MADCAM1: variants seen among roughly 807,000 people sequenced by gnomAD.
The protein encoded by MADCAM1 is mucosal vascular addressin cell adhesion molecule 1.
Under a neutral mutation model 26.1 loss-of-function variants are expected in MADCAM1, and 19 were observed. The ratio of observed to expected loss-of-function variants is 0.73; its 90% CI spans 0.51 to 1.07. MADCAM1 has a LOEUF of 1.07. Among genes scored for constraint, MADCAM1 ranks in the 50% least tolerant of loss-of-function variants. The pLI is 0.00. For synonymous variants in MADCAM1, 268 were observed against 260.9 expected, an observed-to-expected ratio of 1.03 and a Z score of -0.26; for missense variants, 514 against 542.1, an observed-to-expected ratio of 0.95 and a Z score of 0.51.
intron 3 of MADCAM1, 36 bp downstream of exon 3, chr19:498,861 C>A: frequency 6.9e-7 from 1 of 1,446,806 alleles, no homozygotes; most frequent in South Asian, 1.3e-5. Flanking sequence ...CCCACCCGCT[C>A]GCCAGCCTTG....
At chr19:499,245 GCCCTCTGCCGGGAATAC>G (rs1568316973) in intron 3 of MADCAM1, 1 of 469,150 alleles carries the variant, frequency 2.1e-6, no homozygotes, top group Non-Finnish European at 4.2e-6. Flanking sequence ...GCACGGCTGT[GCCCTCTGCCGGGAATAC>G]CCTTCTTCCG....
In MADCAM1 at chr19:498,731, G is replaced by A. The variant is rs1255473277; in HGVS notation, c.573G>A (p.Leu191=). 5.5e-6 allele frequency: 8 copies of A among 1,458,066 alleles called. No homozygotes were observed. The highest frequency in any genetic ancestry group is 3.0e-5 in the Admixed American group (1 of 33,514). 90.3% of individuals were successfully genotyped at this position (1,458,066 alleles called of 1,614,324 possible). Residue 191 remains leucine, a synonymous_variant, in exon 3 of 5, where the codon CTG becomes CTA. Coordinates refer to ENST00000215637, the MANE Select transcript of MADCAM1 (RefSeq NM_130760.3). ...TCAGGGTGACAGAGCGCTGGCGGCTGCCGCCCCTGGGGACCCCTGTCCCGC... is the reference window on the plus strand; with the variant it reads ...TCAGGGTGACAGAGCGCTGGCGGCTACCGCCCCTGGGGACCCCTGTCCCGC... The part of the protein sequence containing the change: ...VLFRVTERWR[L]PPLGTPVPPA...
At chr19:500,103 G>C (rs563055784) in intron 3 of MADCAM1, 1 of 456,218 alleles carries the variant, frequency 2.2e-6, no homozygotes, top group African/African-American at 2.0e-5. Context: ...GGATGGAGCA[G>C]AAGGCCAGGG....
intron 4 of MADCAM1, among the ~76,000 whole-genome samples, chr19:503,069 T>C (rs1978417367): frequency 1.3e-5 from 2 of 152,228 alleles, no homozygotes; most frequent in Admixed American, 6.5e-5. Flanking sequence ...TAATAGCTGA[T>C]AGGAGGCTTT....
In MADCAM1 at chr19:505,126, T is replaced by A. The variant is rs1222963517; in HGVS notation, c.*161T>A. The A allele has an allele frequency of 1.8e-6, 1 of 563,880 alleles. No homozygotes were observed. Among genetic ancestry groups the A allele is most frequent in the Non-Finnish European group, 3.0e-6 (1 of 329,314 alleles). The allele number at this position is 563,880 out of a possible 1,614,324, so 34.9% of individuals were successfully genotyped here. On this transcript the variant is annotated 3_prime_UTR_variant, in exon 5 of 5. Coordinates refer to ENST00000215637, the MANE Select transcript of MADCAM1 (RefSeq NM_130760.3). ...CTCTTTGGAGAAGCTCATCAGAAAC[T>A]CAAAAGAAGGCCACTGTTTGTCTCA...
At chr19:501,357 C>T (rs1412515750) in intron 3 of MADCAM1, among the ~76,000 whole-genome samples, 3 of 151,336 alleles carry the variant, frequency 2.0e-5, no homozygotes, top group Admixed American at 6.6e-5. Context: ...TGGTGGCAAG[C>T]GCCTGTGATC....
chr19:497,800 C>A (rs1483411661), intron 1 of MADCAM1, 33 bp from the exon 2 acceptor site: 16 of 1,262,468 alleles, frequency 1.3e-5, no homozygotes, highest in South Asian at 2.9e-5. Context: ...TCCGGGACTC[C>A]GCGGGGCTGA....
chr19:502,758 G>C (rs1978404621), intron 4 of MADCAM1, among the ~76,000 whole-genome samples: 1 of 152,348 alleles, frequency 6.6e-6, no homozygotes, highest in East Asian at 1.9e-4. Flanking sequence ...CAAAGGAAAA[G>C]CAGACATATT....
intron 3 of MADCAM1, chr19:500,266 C>T (rs1978314410): frequency 1.1e-5 from 5 of 439,614 alleles, no homozygotes; most frequent in Non-Finnish European, 1.8e-5. Flanking sequence ...AACTGAGGCA[C>T]GTGGAGATTA....
At chr19:499,822 C>G (rs57175451) in intron 3 of MADCAM1, 2 of 456,268 alleles carry the variant, frequency 4.4e-6, no homozygotes, top group South Asian at 3.1e-5. Flanking sequence ...GCTCCCTTCA[C>G]GCTCTGTCCA....
chr19:496,529 G>A lies in MADCAM1; in HGVS notation c.30G>A (p.Ala10=), dbSNP rs755585246. 2.0e-5 allele frequency: 26 copies of A among 1,307,278 alleles called. No individual in the cohort carries two copies. The highest frequency in any genetic ancestry group is 4.1e-4 in the Middle Eastern group (2 of 4,936). The allele number at this position is 1,307,278 out of a possible 1,614,324, so 81.0% of individuals were successfully genotyped here. A position where few individuals can be genotyped will look rare whatever the true frequency, so the allele number is the denominator to read the frequency against. The change falls in exon 1 of 5, where the codon GCG becomes GCA. Residue 10 remains alanine (A), a synonymous_variant. Transcript: ENST00000215637. MDFGLALLL[A]GLLGLLLGQS... is the part of the protein sequence containing the mutation. The stretch of plus-strand genomic sequence containing the variant: ...ATTTCGGACTGGCCCTCCTGCTGGC[G>A]GGGCTTCTGGGGCTCCTCCTCGGTG...
At chr19:497,668 C>T (rs1048373648) in intron 1 of MADCAM1, 165 bp from the exon 2 acceptor site, 23 of 507,002 alleles carry the variant, frequency 4.5e-5, no homozygotes, top group African/African-American at 4.0e-4. Context: ...AGGGACCGAG[C>T]CTGGGAGTCC....
At position 498,680 on chromosome 19, in the gene MADCAM1, GC is replaced by G; in HGVS notation, c.526del (p.Gln176ArgfsTer10). ...CGGAGGTGCAGGAGGAGGAGGAGGAGCCCCAGGGGGACGAGGACGTGCTGTT... is the reference window on the plus strand; with the variant it reads ...CGGAGGTGCAGGAGGAGGAGGAGGAGCCCAGGGGGACGAGGACGTGCTGTT... ...GPEVQEEEEE[P>X]QGDEDVLFRV... On this transcript the variant is annotated frameshift_variant, in exon 3 of 5. Transcript: ENST00000215637. LOFTEE classifies it high-confidence loss of function. 1 of 1,449,804 alleles carries G rather than the reference GC, an allele frequency of 6.9e-7. No homozygotes were observed. The allele number at this position is 1,449,804 out of a possible 1,614,324, so 89.8% of individuals were successfully genotyped here.
Position 505,163 on chromosome 19 carries a change from C to A in MADCAM1, c.*198C>A. 1 of 507,132 alleles carries A rather than the reference C, an allele frequency of 2.0e-6. No individual in the cohort carries two copies. The highest frequency in any genetic ancestry group is 3.5e-6 in the Non-Finnish European group (1 of 286,106). The allele number at this position is 507,132 out of a possible 1,614,324, so 31.4% of individuals were successfully genotyped here. ...CACTGTTTGTCTCACCTACCCATGA[C>A]CTGAAGCCCCTCCCTGAGTGGTCCC... On this transcript the variant is annotated 3_prime_UTR_variant, in exon 5 of 5. Coordinates refer to ENST00000215637, the MANE Select transcript of MADCAM1 (RefSeq NM_130760.3).
chr19:499,442 A>G, intron 3 of MADCAM1: 2 of 446,696 alleles, frequency 4.5e-6, no homozygotes, highest in Non-Finnish European at 9.1e-6. Context: ...ACACGCGTGC[A>G]CACAGGCACA....
chr19:498,079 G>T lies in MADCAM1; in HGVS notation c.299G>T (p.Gly100Val). The T allele has an allele frequency of 6.9e-7, 1 of 1,451,430 alleles. No individual in the cohort carries two copies. Among genetic ancestry groups the T allele is most frequent in the Non-Finnish European group, 9.0e-7 (1 of 1,107,942 alleles). The allele number at this position is 1,451,430 out of a possible 1,614,324, so 89.9% of individuals were successfully genotyped here. A position where few individuals can be genotyped will look rare whatever the true frequency, so the allele number is the denominator to read the frequency against. The stretch of plus-strand genomic sequence containing the variant: ...CGCGTGTGCGTGGGCTCCTGCGGGG[G>T]CCGCACCTTCCAGCACACCGTGCAG... ...GTRVCVGSCG[G>V]RTFQHTVQLL... The change falls in exon 2 of 5, where the codon GGC (glycine) becomes GTC (valine). Residue 100 changes from glycine to valine, a missense_variant. This residue lies in a region of MADCAM1 where 317 missense variants were observed against 313.6 expected (regional missense o/e 1.01). Coordinates refer to ENST00000215637, the MANE Select transcript of MADCAM1 (RefSeq NM_130760.3).
In MADCAM1 at chr19:498,589, C is replaced by A; in HGVS notation, c.431C>A (p.Pro144His). ...GCCCACAAAGTCACGCCCGTGGACC[C>A]CAACGCGCTCTCCTTCTCCCTGCTC... Reference protein sequence around the residue: ...CTAHKVTPVDPNALSFSLLVG... With the variant: ...CTAHKVTPVDHNALSFSLLVG... Residue 144 changes from proline to histidine, a missense_variant, in exon 3 of 5, where the codon CCC (proline) becomes CAC (histidine). Pro to His is a moderately conservative substitution (Grantham distance 77, BLOSUM62 -2). Around this residue, in one of 3 missense-constraint regions of MADCAM1, gnomAD observed 317 missense variants for 313.6 expected, o/e 1.01. Coordinates refer to ENST00000215637, the MANE Select transcript of MADCAM1 (RefSeq NM_130760.3). 6.7e-7 allele frequency: 1 copy of A among 1,485,150 alleles called. No homozygotes were observed. The highest frequency in any genetic ancestry group is 8.9e-7 in the Non-Finnish European group (1 of 1,122,052). 92.0% of individuals were successfully genotyped at this position (1,485,150 alleles called of 1,614,324 possible). A position where few individuals can be genotyped will look rare whatever the true frequency, so the allele number is the denominator to read the frequency against.
intron 3 of MADCAM1, 84 bp downstream of exon 3, chr19:498,909 A>G (rs1353749330): frequency 2.3e-6 from 3 of 1,306,106 alleles, no homozygotes; most frequent in Non-Finnish European, 3.0e-6. Context: ...GTGGGGGGGC[A>G]GCACCTGTGC....
At chr19:499,456 G>A (rs913272807) in intron 3 of MADCAM1, 4 of 439,696 alleles carry the variant, frequency 9.1e-6, no homozygotes, top group Admixed American at 2.4e-5. Context: ...AGGCACACAC[G>A]CACACGCGTG....
Sources: gnomAD v4.1 joint callset for allele counts (sites outside exome capture counted in the v4.1 genomes callset) on GRCh38, gnomAD v4.1.1 for gene constraint, gnomAD v4.1.1 regional missense constraint, MANE v1.5 for transcripts, NCBI Gene and HGNC (gene_info 2026-07-23, HGNC 2026-07-21) for gene names.